FRMD6: variants seen among roughly 807,000 people sequenced by gnomAD.
FRMD6 encodes the protein FERM domain containing 6.
Under a neutral mutation model 73.2 loss-of-function variants are expected in FRMD6, and 37 were observed. The observed-to-expected ratio is 0.51, with a 90% CI of 0.39 to 0.66. The LOEUF is 0.66. Ranked by LOEUF, FRMD6 falls within the 30% of genes least tolerant of loss-of-function variation. The pLI, the probability that FRMD6 is intolerant of heterozygous loss-of-function variation, is 0.00. For missense variants in FRMD6, 714 were observed against 780.5 expected, an observed-to-expected ratio of 0.91 and a Z score of 1.02; for synonymous variants, 273 against 282.2, an observed-to-expected ratio of 0.97 and a Z score of 0.33.
the FRMD6 span, among the ~76,000 whole-genome samples, chr14:51,428,924 G>C: frequency 2.1e-5 from 3 of 143,862 alleles, no homozygotes; most frequent in East Asian, 6.6e-4. Context: ...GAGAGAGAGA[G>C]GGGGAGAGAG....
the FRMD6 span, among the ~76,000 whole-genome samples, chr14:51,401,314 A>G: frequency 6.6e-6 from 1 of 152,156 alleles, no homozygotes. Flanking sequence ...CAGTAATTCA[A>G]CCCATTTTGT....
the FRMD6 span, among the ~76,000 whole-genome samples, chr14:51,426,205 T>G: frequency 1.3e-5 from 2 of 152,044 alleles, no homozygotes; most frequent in Non-Finnish European, 2.9e-5. Context: ...GTTAGTTATA[T>G]TCAAAAACCT....
chr14:51,561,898 T>A (rs2139514725), intron 1 of FRMD6, among the ~76,000 whole-genome samples: 1 of 152,330 alleles, frequency 6.6e-6, no homozygotes, highest in South Asian at 2.1e-4. Flanking sequence ...AAATATATAT[T>A]TAGTTTATCT....
chr14:51,552,302 C>A (rs574610776), intron 1 of FRMD6, among the ~76,000 whole-genome samples: 30 of 152,328 alleles, frequency 2.0e-4, no homozygotes, highest in African/African-American at 7.2e-4. Flanking sequence ...AGCGTTGAAT[C>A]CTATTTGGAC....
chr14:51,519,036 A>T (rs1019886226), intron 1 of FRMD6, among the ~76,000 whole-genome samples: 5 of 152,218 alleles, frequency 3.3e-5, no homozygotes, highest in African/African-American at 1.2e-4. Context: ...CTTGTCCTCA[A>T]GATGCTCACT....
chr14:51,530,460 T>A (rs1011179587), intron 1 of FRMD6, among the ~76,000 whole-genome samples: 1 of 152,124 alleles, frequency 6.6e-6, no homozygotes, highest in African/African-American at 2.4e-5. Context: ...CTCAATATAT[T>A]TATTTATTTG....
At chr14:51,643,150 CA>C (rs1891886521) in intron 2 of FRMD6, among the ~76,000 whole-genome samples, 1 of 152,144 alleles carries the variant, frequency 6.6e-6, no homozygotes, top group African/African-American at 2.4e-5. Flanking sequence ...ATCTGTAAAC[CA>C]GGGATAATAT....
the FRMD6 span, among the ~76,000 whole-genome samples, chr14:51,447,835 T>C: frequency 1.3e-5 from 2 of 152,180 alleles, no homozygotes; most frequent in Non-Finnish European, 1.5e-5. Flanking sequence ...CTCCCTTAGC[T>C]TTCTCAAAGC....
chr14:51,722,627 A>G (rs1897691508), intron 12 of FRMD6, among the ~76,000 whole-genome samples: 1 of 152,228 alleles, frequency 6.6e-6, no homozygotes, highest in Middle Eastern at 3.2e-3. Context: ...TGTAGAAAAC[A>G]TGCATTCCCT....
At chr14:51,653,467 T>C (rs529789086) in intron 1 of FRMD6, among the ~76,000 whole-genome samples, 1 of 152,330 alleles carries the variant, frequency 6.6e-6, no homozygotes, top group South Asian at 2.1e-4. Flanking sequence ...ACATCTGTCA[T>C]TAAAAAGGCT....
intron 1 of FRMD6, among the ~76,000 whole-genome samples, chr14:51,570,126 G>A (rs564484122): frequency 6.6e-5 from 10 of 152,164 alleles, no homozygotes; most frequent in African/African-American, 1.7e-4. Flanking sequence ...ATGAGCCACC[G>A]TGCCCGGCGG....
chr14:51,567,872 C>G (rs1388233733), intron 1 of FRMD6, among the ~76,000 whole-genome samples: 2 of 152,170 alleles, frequency 1.3e-5, no homozygotes, highest in African/African-American at 4.8e-5. Context: ...TCTTTTATAG[C>G]TATCTCAAAG....
intron 2 of FRMD6, among the ~76,000 whole-genome samples, chr14:51,618,488 G>A (rs746479852): frequency 7.9e-5 from 12 of 152,210 alleles, no homozygotes; most frequent in East Asian, 1.9e-4. Flanking sequence ...GACCTGTTGC[G>A]AGACTACTGA....
At chr14:51,697,515 T>C (rs1352403867) in intron 2 of FRMD6, among the ~76,000 whole-genome samples, 1 of 152,038 alleles carries the variant, frequency 6.6e-6, no homozygotes, top group African/African-American at 2.4e-5. Context: ...TGGGGAGATA[T>C]TAGTAAAAAA....
rs376440604 is a variant in FRMD6 at position 51,670,550 on chromosome 14, A to G, written c.-147+18554A>G. On this transcript the variant is annotated intron_variant, in intron 1 of 13. Coordinates refer to ENST00000344768, the MANE Select transcript of FRMD6 (RefSeq NM_001267046.2). ...TTAACACTAATTGAACTTTGGTTGT[A>G]GTTGCATTGAATATATAGATTAGTT... Among the ~76,000 whole-genome samples the G allele has an allele frequency of 1.5e-4, 23 of 152,214 alleles. No individual in the cohort carries two copies. The East Asian group carries it at 2.3e-3, about 15-fold the overall frequency.
the FRMD6 span, among the ~76,000 whole-genome samples, chr14:51,455,180 T>C: frequency 6.6e-6 from 1 of 152,226 alleles, no homozygotes; most frequent in Non-Finnish European, 1.5e-5. Context: ...TATACTTAAA[T>C]GCACCGGGAA....
At chr14:51,410,860 CTA>C in the FRMD6 span, among the ~76,000 whole-genome samples, 3 of 152,106 alleles carry the variant, frequency 2.0e-5, no homozygotes, top group Non-Finnish European at 2.9e-5. Context: ...AATGTAATGT[CTA>C]TGTGTAAATG....
intron 2 of FRMD6, among the ~76,000 whole-genome samples, chr14:51,622,686 A>G (rs1220129553): frequency 6.6e-6 from 1 of 152,170 alleles, no homozygotes; most frequent in Non-Finnish European, 1.5e-5. Flanking sequence ...TCTTATTCCT[A>G]GTATCCTAAA....
intron 2 of FRMD6, among the ~76,000 whole-genome samples, chr14:51,616,602 CT>C (rs1312293950): frequency 6.6e-6 from 1 of 152,096 alleles, no homozygotes; most frequent in Non-Finnish European, 1.5e-5. Context: ...GGTTTTGGGG[CT>C]GATCCTAAGG....
Sources: allele counts gnomAD v4.1 joint callset (sites outside exome capture counted in the v4.1 genomes callset), GRCh38; gene constraint gnomAD v4.1.1; transcripts MANE v1.5; gene names NCBI Gene and HGNC (gene_info 2026-07-23, HGNC 2026-07-21).